FHL2: variants seen among roughly 807,000 people sequenced by gnomAD.
FHL2 encodes the protein four and a half LIM domains 2.
A neutral mutation model predicts 32.7 loss-of-function variants in FHL2; 20 were observed. The ratio of observed to expected loss-of-function variants is 0.61; its 90% CI spans 0.43 to 0.89. The LOEUF (loss-of-function observed/expected upper bound fraction) is 0.89. FHL2 is among the 40% of genes least tolerant of loss of function. FHL2 has a pLI of 0.00. For missense variants in FHL2, 311 were observed against 358.6 expected (o/e 0.87, Z 1.07); for synonymous variants, 123 against 128.1 (o/e 0.96, Z 0.27).
intron 5 of FHL2, 34 bp from the exon 6 acceptor site, chr2:105,363,505 C>T (rs1420589152): frequency 6.4e-7 from 1 of 1,556,180 alleles, no homozygotes; most frequent in Non-Finnish European, 8.7e-7. Flanking sequence ...AGTGTGGCCT[C>T]TGTGCTTGGC....
chr2:105,373,164 C>T (rs1392613434), intron 4 of FHL2, among the ~76,000 whole-genome samples: 1 of 152,158 alleles, frequency 6.6e-6, no homozygotes, highest in Non-Finnish European at 1.5e-5. Context: ...GTGCCTGGCA[C>T]GCAAGGGCAC....
At chr2:105,433,244 G>A (rs940705545) in intron 1 of FHL2, among the ~76,000 whole-genome samples, 4 of 148,958 alleles carry the variant, frequency 2.7e-5, no homozygotes, top group African/African-American at 7.5e-5. Context: ...GCAGTGGCAC[G>A]ATCTCAGCTC....
upstream of FHL2, chr2:105,399,598 CCT>C: frequency 1.3e-6 from 2 of 1,531,696 alleles, no homozygotes; most frequent in Non-Finnish European, 1.7e-6. Context: ...CCTATCCCCA[CCT>C]CTCCCTCTCG....
intron 3 of FHL2, among the ~76,000 whole-genome samples, chr2:105,383,609 G>A (rs1021603122): frequency 2.0e-5 from 3 of 152,212 alleles, no homozygotes; most frequent in Non-Finnish European, 4.4e-5. Context: ...TTAGAGGGAA[G>A]TAGCTGAGGC....
chr2:105,370,013 ACT>A (rs1224116381), intron 4 of FHL2, among the ~76,000 whole-genome samples: 3 of 152,286 alleles, frequency 2.0e-5, no homozygotes, highest in Admixed American at 6.5e-5. Context: ...TGAATCGCAC[ACT>A]CTGAACCAAG....
At chr2:105,390,075 A>C (rs1444873559) in intron 2 of FHL2, 1 of 151,888 alleles carries the variant, frequency 6.6e-6, no homozygotes, top group Non-Finnish European at 1.5e-5. Flanking sequence ...AAAAATACAA[A>C]AAAAAAATTA....
chr2:105,406,639 A>G (rs1002276291), intron 1 of FHL2, among the ~76,000 whole-genome samples: 2 of 152,156 alleles, frequency 1.3e-5, no homozygotes, highest in Admixed American at 6.5e-5. Flanking sequence ...TTGAATTTCC[A>G]GGTCAGGGTA....
exon 1 of FHL2, chr2:105,438,408 T>C (rs1191201063): frequency 4.1e-6 from 4 of 985,466 alleles, no homozygotes; most frequent in Admixed American, 6.1e-5. Flanking sequence ...CCTGTGGTTT[T>C]AGGGTTCTGT....
In FHL2 at chr2:105,386,727, AG is replaced by A. The variant is rs370887066; in HGVS notation, c.-24-188del. Reference sequence around the variant, plus strand: ...ATGATAACACCTTTTTTCATTAGCTAGGGCGGTTTTGTGTTTGAATGCATTC... The same window carrying A: ...ATGATAACACCTTTTTTCATTAGCTAGGCGGTTTTGTGTTTGAATGCATTC... On this transcript the variant is annotated intron_variant, in intron 2 of 6. Transcript: ENST00000530340. 1.9e-3 allele frequency among the ~76,000 whole-genome samples: 266 copies of A among 137,698 alleles called. 2 individuals carry two copies. The highest frequency in any genetic ancestry group is 6.9e-3 in the African/African-American group (254 of 37,026). The allele number at this position is 137,698 out of a possible 152,430, so 90.3% of individuals were successfully genotyped here. A position where few individuals can be genotyped will look rare whatever the true frequency, so the allele number is the denominator to read the frequency against.
intron 2 of FHL2, among the ~76,000 whole-genome samples, chr2:105,391,693 G>A (rs1403146305): frequency 2.0e-5 from 3 of 152,146 alleles, no homozygotes; most frequent in Admixed American, 2.0e-4. Context: ...ATGTATCAGG[G>A]TATCAGAGCC....
At chr2:105,414,591 C>T (rs10445873) in intron 1 of FHL2, among the ~76,000 whole-genome samples, 75,297 of 152,108 alleles carry the variant, frequency 0.5, 18,839 homozygotes, top group Middle Eastern at 0.61. Flanking sequence ...CTCGCTCTGT[C>T]GCCCAGGCTG....
In FHL2 at chr2:105,386,455, A is replaced by T. The variant is rs755805016; in HGVS notation, c.62T>A (p.Leu21Gln). 64 of 1,614,140 alleles carry T rather than the reference A, an allele frequency of 4.0e-5. No homozygotes were observed. Among genetic ancestry groups the T allele is most frequent in the Admixed American group, 3.3e-5 (2 of 60,014 alleles). ...CACGCAGTAGGGGCTCTCCTCCCGC[A>T]GGATGTACTTCTTGCCAAAGAGAGA... ...NESLFGKKYI[L>Q]REESPYCVVC... The change falls in exon 3 of 7, where the codon CTG (leucine) becomes CAG (glutamine). Residue 21 changes from leucine to glutamine, a missense_variant. By Grantham distance (113) the Leu-to-Gln change is moderately radical. Transcript: ENST00000530340.
chr2:105,417,924 T>G (rs1167836495), intron 1 of FHL2, among the ~76,000 whole-genome samples: 3 of 152,130 alleles, frequency 2.0e-5, no homozygotes, highest in African/African-American at 7.2e-5. Flanking sequence ...CCACCACAAC[T>G]TTTGTACCAG....
intron 1 of FHL2, among the ~76,000 whole-genome samples, chr2:105,422,601 T>TTTG (rs1177211704): frequency 6.6e-6 from 1 of 150,488 alleles, no homozygotes; most frequent in East Asian, 2.0e-4. Context: ...TTTCCGCTAA[T>TTTG]TTGTTGTTGT....
intron 3 of FHL2, chr2:105,378,018 A>G (rs932941421): frequency 8.4e-5 from 39 of 463,642 alleles, no homozygotes; most frequent in Non-Finnish European, 1.4e-4. Context: ...CTGAGAGAGA[A>G]ATCTCCAAGG....
chr2:105,379,794 T>A (rs1681744622), intron 3 of FHL2, among the ~76,000 whole-genome samples: 1 of 152,174 alleles, frequency 6.6e-6, no homozygotes, highest in Admixed American at 6.5e-5. Flanking sequence ...AAAGGCCAAA[T>A]CCCACTTGGC....
chr2:105,386,508 CTCAG>C lies in FHL2; in HGVS notation c.5_8del (p.Thr2SerfsTer208). The C allele has an allele frequency of 1.2e-6, 2 of 1,614,194 alleles. No homozygotes were observed. Among genetic ancestry groups the C allele is most frequent in the Non-Finnish European group, 1.7e-6 (2 of 1,180,038 alleles). On this transcript the variant is annotated frameshift_variant, in exon 3 of 7. Coordinates refer to ENST00000530340, the MANE Select transcript of FHL2 (RefSeq NM_001318895.3). LOFTEE classifies it high-confidence loss of function. Reference sequence around the variant, plus strand: ...CGTTGCAATGGTGGCAGTCAAAGCGCTCAGTCATTTTGACTCCTGGCTTTTCAGC... The same window carrying C: ...CGTTGCAATGGTGGCAGTCAAAGCGCTCATTTTGACTCCTGGCTTTTCAGC...
At chr2:105,416,636 T>C (rs1407723510) in intron 1 of FHL2, among the ~76,000 whole-genome samples, 5 of 152,220 alleles carry the variant, frequency 3.3e-5, no homozygotes, top group African/African-American at 7.2e-5. Flanking sequence ...AACCTACACA[T>C]TGTTTTGTTA....
chr2:105,411,158 T>C lies in FHL2; in HGVS notation c.-24-24618A>G, dbSNP rs1683776829. On this transcript the variant is annotated intron_variant, in intron 1 of 5. Coordinates refer to the FHL2 transcript ENST00000393352. The stretch of plus-strand genomic sequence containing the variant: ...AACCACCATCGCTCTAATCCTTAGG[T>C]TCATTCTTTCTCATTTCAGTCAAAA... 3.3e-5 allele frequency among the ~76,000 whole-genome samples: 5 copies of C among 152,334 alleles called. No homozygotes were observed. In the South Asian group the frequency reaches 1.0e-3, roughly 32 times the overall value.
Sources: allele counts gnomAD v4.1 joint callset (sites outside exome capture counted in the v4.1 genomes callset), GRCh38; gene constraint gnomAD v4.1.1; transcripts MANE v1.5; gene names NCBI Gene and HGNC (gene_info 2026-07-23, HGNC 2026-07-21).